The following ERC1 variants were observed in gnomAD, a reference collection of about 807,000 sequenced individuals.
ERC1 encodes ELKS/RAB6-interacting/CAST family member 1.
In ERC1, 56 loss-of-function variants were observed where a neutral mutation model predicts 132.0. The ratio of observed to expected loss-of-function variants is 0.42; its 90% CI spans 0.34 to 0.53. The LOEUF is 0.53. Among genes scored for constraint, ERC1 ranks in the 20% least tolerant of loss-of-function variants. The pLI is 0.03. For synonymous variants in ERC1, 478 were observed against 476.1 expected (o/e 1.00, Z -0.05); for missense variants, 1,202 against 1,349.9 (o/e 0.89, Z 1.72).
chr12:1,124,889 T>TG (rs1173133665), intron 7 of ERC1, among the ~76,000 whole-genome samples: 1 of 152,056 alleles, frequency 6.6e-6, no homozygotes, highest in Non-Finnish European at 1.5e-5. Context: ...AGAGAAAACA[T>TG]GAACAACAGT....
At chr12:1,400,529 G>A (rs1320191638) in intron 16 of ERC1, among the ~76,000 whole-genome samples, 1 of 151,688 alleles carries the variant, frequency 6.6e-6, no homozygotes, top group African/African-American at 2.4e-5. Context: ...CTTATGTTTT[G>A]TTCTAAGAGT....
intron 16 of ERC1, among the ~76,000 whole-genome samples, chr12:1,403,136 A>G (rs1436473498): frequency 1.3e-5 from 2 of 152,210 alleles, no homozygotes; most frequent in Non-Finnish European, 2.9e-5. Flanking sequence ...CTGGGAGGGT[A>G]TGTATACCTG....
chr12:1,353,237 A>G (rs747927071), intron 15 of ERC1, among the ~76,000 whole-genome samples: 12 of 152,036 alleles, frequency 7.9e-5, no homozygotes, highest in Non-Finnish European at 1.2e-4. Context: ...TCACCGTGTT[A>G]GCCAGGATGG....
At chr12:1,235,639 A>AT (rs897418203) in intron 12 of ERC1, among the ~76,000 whole-genome samples, 7 of 151,988 alleles carry the variant, frequency 4.6e-5, no homozygotes, top group Non-Finnish European at 8.8e-5. Context: ...ATGAGGTACT[A>AT]TTTTTTTTCT....
At chr12:1,432,064 G>C (rs1332473552) in intron 17 of ERC1, among the ~76,000 whole-genome samples, 1 of 152,046 alleles carries the variant, frequency 6.6e-6, no homozygotes, top group Non-Finnish European at 1.5e-5. Flanking sequence ...ACTTTTTGTA[G>C]AGTTGAGTCT....
At chr12:1,090,863 GTTGTTATTA>G (rs1239751274) in intron 3 of ERC1, among the ~76,000 whole-genome samples, 730 of 44,572 alleles carry the variant, frequency 0.016, 218 homozygotes, top group African/African-American at 0.059. Flanking sequence ...TGTTGTTGTT[GTTGTTATTA>G]TTATTATTAT....
chr12:1,096,814 G>C (rs1944097534), intron 3 of ERC1, among the ~76,000 whole-genome samples: 1 of 152,074 alleles, frequency 6.6e-6, no homozygotes. Context: ...TCTAGAAATA[G>C]AACTTTCACA....
intron 15 of ERC1, among the ~76,000 whole-genome samples, chr12:1,306,555 A>T (rs2080898243): frequency 6.6e-6 from 1 of 152,088 alleles, no homozygotes; most frequent in Non-Finnish European, 1.5e-5. Context: ...ATGTAGCTAA[A>T]CCCCTCAGTG....
chr12:1,010,073 A>G (rs1964426862), intron 1 of ERC1, among the ~76,000 whole-genome samples: 1 of 152,208 alleles, frequency 6.6e-6, no homozygotes, highest in African/African-American at 2.4e-5. Flanking sequence ...CTGTAATTCT[A>G]CCTTAGTGAG....
intron 15 of ERC1, among the ~76,000 whole-genome samples, chr12:1,310,816 A>G (rs954730927): frequency 2.6e-5 from 4 of 152,260 alleles, no homozygotes; most frequent in Non-Finnish European, 5.9e-5. Flanking sequence ...ACATGACTTT[A>G]TATTTGCAGC....
intron 3 of ERC1, among the ~76,000 whole-genome samples, chr12:1,096,024 C>CAA (rs1943984392): frequency 6.6e-6 from 1 of 151,480 alleles, no homozygotes; most frequent in Non-Finnish European, 1.5e-5. Context: ...CTCCCAGGCT[C>CAA]AAGCAGTCCT....
chr12:1,125,241 A>G (rs1318337586), intron 7 of ERC1, among the ~76,000 whole-genome samples: 1 of 151,744 alleles, frequency 6.6e-6, no homozygotes, highest in Non-Finnish European at 1.5e-5. Flanking sequence ...TGATCTGCCC[A>G]CCTTGGCCTC....
Position 1,084,653 on chromosome 12 carries a change from T to C in ERC1, c.1086+1073T>C, listed in dbSNP as rs184363820. On this transcript the variant is annotated intron_variant, in intron 3 of 18. Transcript: ENST00000360905. The stretch of plus-strand genomic sequence containing the variant: ...TTACCTAGTAGTAATTATTAACTTA[T>C]GTATATGCTTCCAGTCATTTTTTTT... Among the ~76,000 whole-genome samples the C allele has an allele frequency of 4.0e-3, 595 of 150,288 alleles. 1 individual carries two copies. The highest frequency in any genetic ancestry group is 9.5e-3 in the African/African-American group (390 of 40,860).
chr12:1,331,284 C>T (rs1373703149), intron 15 of ERC1, among the ~76,000 whole-genome samples: 4 of 152,146 alleles, frequency 2.6e-5, no homozygotes, highest in African/African-American at 9.7e-5. Context: ...TGTCTGGGTT[C>T]TTTCACTCTG....
chr12:1,030,090 A>AT (rs1295284900), intron 2 of ERC1, among the ~76,000 whole-genome samples: 1 of 151,624 alleles, frequency 6.6e-6, no homozygotes, highest in Non-Finnish European at 1.5e-5. Context: ...CTCTTTTCAC[A>AT]TTTTTTTCCC....
intron 2 of ERC1, among the ~76,000 whole-genome samples, chr12:1,067,854 T>C (rs1939508608): frequency 1.3e-5 from 2 of 151,772 alleles, no homozygotes; most frequent in African/African-American, 4.8e-5. Flanking sequence ...TTGTAAAAAA[T>C]ATATTTAGAA....
chr12:1,144,620 A>ATATACG (rs1418063123), intron 8 of ERC1, among the ~76,000 whole-genome samples: 4 of 149,432 alleles, frequency 2.7e-5, no homozygotes, highest in Non-Finnish European at 4.4e-5. Flanking sequence ...TGTGGTATAT[A>ATATACG]TATATATATA....
intron 8 of ERC1, among the ~76,000 whole-genome samples, chr12:1,166,949 T>C (rs954632661): frequency 2.6e-5 from 4 of 152,234 alleles, no homozygotes; most frequent in Non-Finnish European, 5.9e-5. Context: ...TTTTGACTCA[T>C]TAAACATTAT....
chr12:1,265,398 G>A (rs529986717), intron 14 of ERC1, among the ~76,000 whole-genome samples: 35 of 152,154 alleles, frequency 2.3e-4, no homozygotes, highest in African/African-American at 8.2e-4. Flanking sequence ...TATGCTTTAG[G>A]GGTATGTTTT....
Sources: allele counts gnomAD v4.1 joint callset (sites outside exome capture counted in the v4.1 genomes callset), GRCh38; gene constraint gnomAD v4.1.1; transcripts MANE v1.5; gene names NCBI Gene and HGNC (gene_info 2026-07-23, HGNC 2026-07-21).